Variants in RFX2 observed in about 807,000 individuals in gnomAD.
The protein encoded by RFX2 is DNA-binding protein RFX2.
In RFX2, 20 loss-of-function variants were observed where a neutral mutation model predicts 87.8. The observed-to-expected ratio is 0.23, with a 90% CI of 0.16 to 0.33. The LOEUF (loss-of-function observed/expected upper bound fraction) is 0.33, where lower values mean the gene tolerates loss of function less well. Among genes scored for constraint, RFX2 ranks in the 10% least tolerant of loss-of-function variants. RFX2 has a pLI of 1.00. For synonymous variants in RFX2, 397 were observed against 431.3 expected (o/e 0.92, Z 0.98); for missense variants, 767 against 1,012.3 (o/e 0.76, Z 3.29).
chr19:5,995,200 G>A (rs1027370122), intron 17 of RFX2, among the ~76,000 whole-genome samples: 10 of 152,190 alleles, frequency 6.6e-5, no homozygotes, highest in African/African-American at 2.2e-4. Flanking sequence ...CAGCGCCGAC[G>A]GGCCTGGGGC....
chr19:6,073,276 G>T (rs1049320785), intron 1 of RFX2: 13 of 876,170 alleles, frequency 1.5e-5, no homozygotes, highest in Middle Eastern at 3.6e-4. Context: ...CACCGCGCCT[G>T]CAAGGGCCAG....
At position 6,022,597 on chromosome 19, in the gene RFX2, G is replaced by A. The variant is rs1392646590; in HGVS notation, c.597+3566C>T. On this transcript the variant is annotated intron_variant, in intron 6 of 17. Coordinates refer to ENST00000303657, the MANE Select transcript of RFX2 (RefSeq NM_000635.4). This position sits in a 1 kb window ranked among gnomAD's most constrained non-coding sequence, Gnocchi z 6.2. ...TCAAGTCGGTGGCCTGCCACACCCG[G>A]TCGGGTGAAGACATGTTTCATCCCC... Among the ~76,000 whole-genome samples the A allele has an allele frequency of 3.9e-5, 6 of 152,224 alleles. No individual in the cohort carries two copies. Among genetic ancestry groups the A allele is most frequent in the South Asian group, 2.1e-4 (1 of 4,832 alleles).
intron 1 of RFX2, among the ~76,000 whole-genome samples, chr19:6,092,487 TCC>T (rs1169713578): frequency 6.6e-6 from 1 of 152,156 alleles, no homozygotes; most frequent in Non-Finnish European, 1.5e-5. Context: ...CAGCCACGCG[TCC>T]AGAGGGAATT....
chr19:6,095,177 G>A (rs527285544), intron 1 of RFX2, among the ~76,000 whole-genome samples: 4 of 152,244 alleles, frequency 2.6e-5, no homozygotes, highest in African/African-American at 9.6e-5. Context: ...AATTTCACAC[G>A]TGGCTTGTGT....
At chr19:6,102,284 A>C (rs1383089573) in intron 1 of RFX2, among the ~76,000 whole-genome samples, 21 of 152,224 alleles carry the variant, frequency 1.4e-4, no homozygotes, top group Non-Finnish European at 3.1e-4. Context: ...ACATCTAGCA[A>C]AGCCTATTTG....
chr19:6,018,141 T>G (rs2086756135), intron 6 of RFX2, among the ~76,000 whole-genome samples: 1 of 151,874 alleles, frequency 6.6e-6, no homozygotes, highest in Non-Finnish European at 1.5e-5. Flanking sequence ...ACATCTGGCT[T>G]ATGTTTTTTG....
At position 6,083,153 on chromosome 19, in the gene RFX2, C is replaced by T. The variant is rs1197646980; in HGVS notation, c.-9+27240G>A. ...AACTCCTGGCCTCAAGTGATCCACCCGCCTTGGCTTCCTAGAGTGCTAGAA... is the reference window on the plus strand; with the variant it reads ...AACTCCTGGCCTCAAGTGATCCACCTGCCTTGGCTTCCTAGAGTGCTAGAA... On this transcript the variant is annotated intron_variant, in intron 1 of 17. Transcript: ENST00000303657. The surrounding 1 kb of genome is among the most constrained non-coding windows in gnomAD (Gnocchi z 4.6). 2.6e-5 allele frequency among the ~76,000 whole-genome samples: 4 copies of T among 152,158 alleles called. No homozygotes were observed. The highest frequency in any genetic ancestry group is 4.4e-5 in the Non-Finnish European group (3 of 68,024).
Position 6,101,824 on chromosome 19 carries a change from A to G in RFX2, c.-9+8569T>C, listed in dbSNP as rs1370216139. 6.6e-6 allele frequency among the ~76,000 whole-genome samples: 1 copy of G among 152,176 alleles called. No homozygotes were observed. Among genetic ancestry groups the G allele is most frequent in the Non-Finnish European group, 1.5e-5 (1 of 68,034 alleles). On this transcript the variant is annotated intron_variant, in intron 1 of 17. Coordinates refer to ENST00000303657, the MANE Select transcript of RFX2 (RefSeq NM_000635.4). This position sits in a 1 kb window ranked among gnomAD's most constrained non-coding sequence, Gnocchi z 4.9. The stretch of plus-strand genomic sequence containing the variant: ...CTCTGTCCAGGTTCTCCCTCTACCT[A>G]AGAGTCCCTTTGAGATCTCTGCTTA...
At chr19:6,031,175 T>C (rs137930221) in intron 5 of RFX2, among the ~76,000 whole-genome samples, 55 of 152,246 alleles carry the variant, frequency 3.6e-4, no homozygotes, top group Admixed American at 6.6e-4. Flanking sequence ...AATCATAGTT[T>C]GTCATTCTTT....
At position 6,002,035 on chromosome 19, in the gene RFX2, G is replaced by A; in HGVS notation, c.1651-12C>T. The A allele has an allele frequency of 6.3e-7, 1 of 1,590,572 alleles. No individual in the cohort carries two copies. On this transcript the variant is annotated splice_polypyrimidine_tract_variant and intron_variant, in intron 14 of 17. Coordinates refer to ENST00000303657, the MANE Select transcript of RFX2 (RefSeq NM_000635.4). The surrounding 1 kb of genome is among the most constrained non-coding windows in gnomAD (Gnocchi z 6.7). Reference sequence around the variant, plus strand: ...CACGAGGCCTGCTCCTGTGGGCAGGGCAGAGGCCAGTGTCAGCAATGTGGA... The same window carrying A: ...CACGAGGCCTGCTCCTGTGGGCAGGACAGAGGCCAGTGTCAGCAATGTGGA...
At chr19:6,051,439 G>A (rs73923429) in intron 1 of RFX2, among the ~76,000 whole-genome samples, 5,914 of 152,154 alleles carry the variant, frequency 0.039, 281 homozygotes, top group African/African-American at 0.11. Flanking sequence ...ACCTAAAGTA[G>A]TAACATGTTA....
rs1372521112 is a variant in RFX2, at chr19:5,999,325, T to A, written c.1860-2112A>T. ...TCCCTTGTGAAGAGCACCCCCACCTTGCAGACGTGACCCCGATCCCCTCCA... is the reference window on the plus strand; with the variant it reads ...TCCCTTGTGAAGAGCACCCCCACCTAGCAGACGTGACCCCGATCCCCTCCA... On this transcript the variant is annotated intron_variant, in intron 15 of 17. Transcript: ENST00000303657. The surrounding 1 kb of genome is among the most constrained non-coding windows in gnomAD (Gnocchi z 4.1). Among the ~76,000 whole-genome samples the A allele has an allele frequency of 6.6e-6, 1 of 152,128 alleles. No individual in the cohort carries two copies. Among genetic ancestry groups the A allele is most frequent in the African/African-American group, 2.4e-5 (1 of 41,442 alleles).
intron 5 of RFX2, among the ~76,000 whole-genome samples, chr19:6,028,910 A>G (rs1328807337): frequency 1.3e-5 from 2 of 152,068 alleles, no homozygotes; most frequent in Admixed American, 1.3e-4. Flanking sequence ...CCCTGTCTCT[A>G]CTAAAAATAC....
Position 5,995,630 on chromosome 19 carries a change from G to C in RFX2, c.2027C>G (p.Ala676Gly). The stretch of plus-strand genomic sequence containing the variant: ...GTCGAGCAGCGTCAGCGACAGAGAG[G>C]CGAGATCGTTGAACTGAAAGAGAAA... ...IAVMGEFNDLASLSLTLLDKD... is the reference protein window; with the variant it reads ...IAVMGEFNDLGSLSLTLLDKD... The change falls in exon 17 of 18, where the codon GCC (alanine) becomes GGC (glycine). Residue 676 changes from alanine to glycine, a missense_variant. This residue lies in a region of RFX2 where 621 missense variants were observed against 873.0 expected (regional missense o/e 0.71). Coordinates refer to ENST00000303657, the MANE Select transcript of RFX2 (RefSeq NM_000635.4). 1 of 1,552,552 alleles carries C rather than the reference G, an allele frequency of 6.4e-7. No homozygotes were observed. Among genetic ancestry groups the C allele is most frequent in the Non-Finnish European group, 8.7e-7 (1 of 1,147,540 alleles).
At chr19:6,087,009 C>A (rs1455295944) in intron 1 of RFX2, among the ~76,000 whole-genome samples, 1 of 150,970 alleles carries the variant, frequency 6.6e-6, no homozygotes, top group Non-Finnish European at 1.5e-5. Context: ...TTTTTTTAAT[C>A]TTTTAAAACT....
At chr19:6,008,670 C>CAGTACAGTCAGGGAATTTCTAA (rs1226348568) in intron 9 of RFX2, among the ~76,000 whole-genome samples, 2 of 145,122 alleles carry the variant, frequency 1.4e-5, no homozygotes, top group African/African-American at 5.3e-5. Context: ...CCACCATGCC[C>CAGTACAGTCAGGGAATTTCTAA]GGCCATTTTT....
intron 1 of RFX2, among the ~76,000 whole-genome samples, chr19:6,076,448 GCCTGGGTCCGGTGCCTGGGTCCAGTT>G (rs1307877524): frequency 6.6e-6 from 1 of 152,188 alleles, no homozygotes; most frequent in African/African-American, 2.4e-5. Flanking sequence ...AGGCGAGGGT[GCCTGGGTCCGGTGCCTGGGTCCAGTT>G]CCTGGGTCCT....
At position 6,016,054 on chromosome 19, in the gene RFX2, G is replaced by A; in HGVS notation, c.779+36C>T. ...AAAGCTCCATTTCTTGGGAAAGGAA[G>A]AGGAAGAACAGGTGGGCTGGGGATC... On this transcript the variant is annotated intron_variant, in intron 7 of 17. Transcript: ENST00000303657. This position sits in a 1 kb window ranked among gnomAD's most constrained non-coding sequence, Gnocchi z 5.4. The A allele has an allele frequency of 4.5e-6, 7 of 1,541,752 alleles. No homozygotes were observed. Among genetic ancestry groups the A allele is most frequent in the Non-Finnish European group, 6.1e-6 (7 of 1,141,846 alleles).
Position 6,040,349 on chromosome 19 carries a change from GC to G in RFX2, c.261-109del. The stretch of plus-strand genomic sequence containing the variant: ...CACGTAAAAGCTGCAACCCAGAGAG[GC>G]CAGACATATGGAGCAATTCGGACGT... On this transcript the variant is annotated intron_variant, in intron 4 of 17. Coordinates refer to ENST00000303657, the MANE Select transcript of RFX2 (RefSeq NM_000635.4). The surrounding 1 kb of genome is among the most constrained non-coding windows in gnomAD (Gnocchi z 6.1). 1 of 1,222,536 alleles carries G rather than the reference GC, an allele frequency of 8.2e-7. No individual in the cohort carries two copies. Among genetic ancestry groups the G allele is most frequent in the Non-Finnish European group, 1.1e-6 (1 of 895,562 alleles). The allele number at this position is 1,222,536 out of a possible 1,614,324, so 75.7% of individuals were successfully genotyped here.
Sources: gnomAD v4.1 joint callset for allele counts (sites outside exome capture counted in the v4.1 genomes callset) on GRCh38, gnomAD v4.1.1 for gene constraint, gnomAD v4.1.1 regional missense constraint, Gnocchi (gnomAD v3.1) non-coding constraint, MANE v1.5 for transcripts, NCBI Gene and HGNC (gene_info 2026-07-23, HGNC 2026-07-21) for gene names.